TLN1: variants seen among roughly 807,000 people sequenced by gnomAD.
TLN1 encodes the protein talin-1.
In TLN1, 56 loss-of-function variants were observed where a neutral mutation model predicts 292.3. The observed-to-expected ratio is 0.19, with a 90% CI of 0.15 to 0.24. TLN1 has a LOEUF of 0.24. Ranked by LOEUF, TLN1 falls within the 10% of genes least tolerant of loss-of-function variation. The pLI, the probability that TLN1 is intolerant of heterozygous loss-of-function variation, is 1.00. For synonymous variants in TLN1, 1,119 were observed against 1,253.7 expected (o/e 0.89, Z 2.27); for missense variants, 2,433 against 3,248.2 (o/e 0.75, Z 6.10).
In TLN1 at chr9:35,700,099, T is replaced by C; in HGVS notation, c.6661-18A>G. On this transcript the variant is annotated intron_variant, in intron 49 of 56. Coordinates refer to ENST00000314888, the MANE Select transcript of TLN1 (RefSeq NM_006289.4). ...GCTGCTTCCTGTCCCCAGAGTAATA[T>C]GTTAGCTTTAGGCCCCGCAGATCCC... 6.2e-7 allele frequency: 1 copy of C among 1,604,758 alleles called. No homozygotes were observed. The highest frequency in any genetic ancestry group is 8.5e-7 in the Non-Finnish European group (1 of 1,172,884).
Position 35,714,114 on chromosome 9 carries a change from G to A in TLN1, c.3121-33C>T. ...AAGAAAGGGGTTTTGGGTGTAGAAGGTCCTGCTGTGTCTCACCAATGCCTC... is the reference window on the plus strand; with the variant it reads ...AAGAAAGGGGTTTTGGGTGTAGAAGATCCTGCTGTGTCTCACCAATGCCTC... On this transcript the variant is annotated intron_variant, in intron 24 of 56. Coordinates refer to ENST00000314888, the MANE Select transcript of TLN1 (RefSeq NM_006289.4). The surrounding 1 kb of genome is among the most constrained non-coding windows in gnomAD (Gnocchi z 4.6). 6.2e-7 allele frequency: 1 copy of A among 1,611,046 alleles called. No individual in the cohort carries two copies. The highest frequency in any genetic ancestry group is 1.7e-5 in the Admixed American group (1 of 59,908).
chr9:35,700,922 T>C (rs1825455109), intron 48 of TLN1, among the ~76,000 whole-genome samples: 2 of 152,200 alleles, frequency 1.3e-5, no homozygotes, highest in Non-Finnish European at 2.9e-5. Context: ...CCTGTTCTCA[T>C]GGAGCTTACA....
intron 34 of TLN1, 134 bp from the exon 35 acceptor site, chr9:35,708,026 A>G (rs1825596189): frequency 9.3e-7 from 1 of 1,073,506 alleles, no homozygotes; most frequent in African/African-American, 1.6e-5. Flanking sequence ...AGTCACCTGA[A>G]AAGTCAAGAT....
chr9:35,704,967 G>A lies in TLN1; in HGVS notation c.5734-152C>T, dbSNP rs112059600. On this transcript the variant is annotated intron_variant, in intron 43 of 56. Coordinates refer to ENST00000314888, the MANE Select transcript of TLN1 (RefSeq NM_006289.4). The surrounding 1 kb of genome is among the most constrained non-coding windows in gnomAD (Gnocchi z 6.9). ...GGTTCCCAGCACAAGGACGTTTCCG[G>A]TTGCATATCCTTTAGGCAGAAGGTC... 18,644 of 940,618 alleles carry A rather than the reference G, an allele frequency of 0.02. 258 individuals are homozygous for A. Among genetic ancestry groups the A allele is most frequent in the Middle Eastern group, 0.039 (147 of 3,724 alleles). The allele number at this position is 940,618 out of a possible 1,614,324, so 58.3% of individuals were successfully genotyped here.
At chr9:35,722,640 T>A (rs1825897671) in intron 8 of TLN1, among the ~76,000 whole-genome samples, 1 of 152,174 alleles carries the variant, frequency 6.6e-6, no homozygotes, top group Admixed American at 6.5e-5. Context: ...AATAAAAGAT[T>A]ACAAGAATAT....
chr9:35,705,453 C>A, intron 43 of TLN1, 98 bp downstream of exon 43: 1 of 1,295,624 alleles, frequency 7.7e-7, no homozygotes, highest in Non-Finnish European at 1.1e-6. Flanking sequence ...GTTCCCCTTT[C>A]TATGAAAGAC....
In TLN1 at chr9:35,717,580, T is replaced by C; in HGVS notation, c.2163+39A>G. 1.3e-6 allele frequency: 2 copies of C among 1,592,484 alleles called. No homozygotes were observed. Among genetic ancestry groups the C allele is most frequent in the Middle Eastern group, 1.7e-4 (1 of 5,984 alleles). On this transcript the variant is annotated intron_variant, in intron 18 of 56. Coordinates refer to ENST00000314888, the MANE Select transcript of TLN1 (RefSeq NM_006289.4). This position sits in a 1 kb window ranked among gnomAD's most constrained non-coding sequence, Gnocchi z 4.7. ...AAGGCTCACGTGTGTGTGGTAGTATTACCCCTCAGCACGGACTAGAGCAAC... is the reference window on the plus strand; with the variant it reads ...AAGGCTCACGTGTGTGTGGTAGTATCACCCCTCAGCACGGACTAGAGCAAC...
At chr9:35,713,694 G>T (rs1825718749) in intron 25 of TLN1, among the ~76,000 whole-genome samples, 1 of 127,532 alleles carries the variant, frequency 7.8e-6, no homozygotes, top group South Asian at 2.5e-4. Context: ...GAAAGAAAAA[G>T]AAATAAAAGA....
At chr9:35,713,592 G>T (rs537998191) in intron 25 of TLN1, among the ~76,000 whole-genome samples, 1 of 152,252 alleles carries the variant, frequency 6.6e-6, no homozygotes, top group South Asian at 2.1e-4. Flanking sequence ...GCTGAGGCAG[G>T]AGAATGGCTT....
chr9:35,725,995 C>A (rs902535866), intron 1 of TLN1, among the ~76,000 whole-genome samples: 1 of 152,156 alleles, frequency 6.6e-6, no homozygotes, highest in Non-Finnish European at 1.5e-5. Context: ...TCGCTGCAAG[C>A]TCCGCCTCCT....
intron 20 of TLN1, 140 bp downstream of exon 20, chr9:35,716,250 C>A: frequency 5.3e-6 from 4 of 751,560 alleles, no homozygotes; most frequent in Non-Finnish European, 8.0e-6. Context: ...GGGGCTCATT[C>A]ATTTCCTGAG....
At chr9:35,712,669 G>T (rs1338938298) in intron 27 of TLN1, among the ~76,000 whole-genome samples, 166 bp downstream of exon 27, 2 of 134,314 alleles carry the variant, frequency 1.5e-5, no homozygotes, top group Non-Finnish European at 3.3e-5. Context: ...AAAAAAAAAA[G>T]ACTAAGAGAA....
intron 7 of TLN1, chr9:35,723,553 T>A: frequency 4.4e-6 from 1 of 229,166 alleles, no homozygotes; most frequent in East Asian, 1.5e-4. Flanking sequence ...AGGATGAACA[T>A]GCACTTAGGA....
At chr9:35,710,473 CTTGAT>C in intron 33 of TLN1, 83 bp downstream of exon 33, 2 of 1,521,280 alleles carry the variant, frequency 1.3e-6, no homozygotes, top group Non-Finnish European at 1.8e-6. Flanking sequence ...ACATAAACTT[CTTGAT>C]TTATCTACAG....
Position 35,719,747 on chromosome 9 carries a change from T to C in TLN1, c.1571A>G (p.Gln524Arg). 6.2e-7 allele frequency: 1 copy of C among 1,609,836 alleles called. No individual in the cohort carries two copies. The highest frequency in any genetic ancestry group is 8.5e-7 in the Non-Finnish European group (1 of 1,177,938). ...DDFDTLPPLG[Q>R]DAASKAWRKN... Reference sequence around the variant, plus strand: ...CCTCCATCCCATACTTACAGCATCCTGGCCAAGAGGCGGCAGAGTGTCAAA... The same window carrying C: ...CCTCCATCCCATACTTACAGCATCCCGGCCAAGAGGCGGCAGAGTGTCAAA... Residue 524 changes from glutamine (Q) to arginine (R), a missense_variant, in exon 14 of 57, where the codon CAG (glutamine) becomes CGG (arginine). Physicochemically the swap from Gln to Arg is conservative, Grantham distance 43. Around this residue, in one of 7 missense-constraint regions of TLN1, gnomAD observed 617 missense variants for 770.6 expected, o/e 0.80. Coordinates refer to ENST00000314888, the MANE Select transcript of TLN1 (RefSeq NM_006289.4). The surrounding 1 kb of genome is among the most constrained non-coding windows in gnomAD (Gnocchi z 4.6).
rs1036741217 is a variant in TLN1 at position 35,706,654 on chromosome 9, C to T, written c.5089-103G>A. ...CATACCAAATACCCTAACCCTCCTT[C>T]GCACATCCCAGCCTTTGATGTCCCT... On this transcript the variant is annotated intron_variant, in intron 38 of 56. Transcript: ENST00000314888. This position sits in a 1 kb window ranked among gnomAD's most constrained non-coding sequence, Gnocchi z 4.2. 85 of 1,578,308 alleles carry T rather than the reference C, an allele frequency of 5.4e-5. No individual in the cohort carries two copies. The highest frequency in any genetic ancestry group is 6.1e-5 in the Non-Finnish European group (71 of 1,157,384).
chr9:35,708,046 A>T, intron 34 of TLN1, 154 bp from the exon 35 acceptor site: 1 of 888,176 alleles, frequency 1.1e-6, no homozygotes, highest in Admixed American at 2.8e-5. Flanking sequence ...TCTAGGAGAC[A>T]GAGATACCCA....
Position 35,700,321 on chromosome 9 carries a change from C to T in TLN1, c.6530G>A (p.Arg2177Gln), listed in dbSNP as rs1425752432. The T allele has an allele frequency of 6.8e-6, 11 of 1,611,602 alleles. No homozygotes were observed. The highest frequency in any genetic ancestry group is 3.3e-5 in the Admixed American group (2 of 59,964). Reference protein sequence around the residue: ...AKTSTPEDFIRMTKGITMATA... With the variant: ...AKTSTPEDFIQMTKGITMATA... Reference sequence around the variant, plus strand: ...TGCCATGGTGATACCCTTGGTCATTCGGATGAAGTCTTCTGGGGTAGAGGT... The same window carrying T: ...TGCCATGGTGATACCCTTGGTCATTTGGATGAAGTCTTCTGGGGTAGAGGT... The change falls in exon 49 of 57, where the codon CGA (arginine) becomes CAA (glutamine). Residue 2177 changes from arginine to glutamine, a missense_variant. This residue lies in a region of TLN1 where 1,384 missense variants were observed against 1,699.6 expected (regional missense o/e 0.81). Coordinates refer to ENST00000314888, the MANE Select transcript of TLN1 (RefSeq NM_006289.4).
At chr9:35,729,535 C>T (rs369787564) in intron 1 of TLN1, among the ~76,000 whole-genome samples, 11 of 152,238 alleles carry the variant, frequency 7.2e-5, no homozygotes, top group South Asian at 6.2e-4. Flanking sequence ...AGAGACATAA[C>T]CGGAACTGGA....
Sources: gnomAD v4.1 joint callset for allele counts (sites outside exome capture counted in the v4.1 genomes callset) on GRCh38, gnomAD v4.1.1 for gene constraint, gnomAD v4.1.1 regional missense constraint, Gnocchi (gnomAD v3.1) non-coding constraint, MANE v1.5 for transcripts, NCBI Gene and HGNC (gene_info 2026-07-23, HGNC 2026-07-21) for gene names.